Variants in HSD17B12 observed in about 807,000 individuals in gnomAD.
HSD17B12 encodes the protein hydroxysteroid 17-beta dehydrogenase 12, also known as very-long-chain 3-oxoacyl-CoA reductase.
Under a neutral mutation model 39.3 loss-of-function variants are expected in HSD17B12, and 32 were observed. The observed-to-expected ratio is 0.81, with a 90% CI of 0.61 to 1.09. HSD17B12 has a LOEUF of 1.09. HSD17B12 is among the 50% of genes least tolerant of loss of function. The pLI is 0.00. For missense variants in HSD17B12, 342 were observed against 382.9 expected (o/e 0.89, Z 0.89); for synonymous variants, 150 against 146.7 (o/e 1.02, Z -0.16).
chr11:43,670,703 C>A, the HSD17B12 span, among the ~76,000 whole-genome samples: 1 of 152,044 alleles, frequency 6.6e-6, no homozygotes, highest in African/African-American at 2.4e-5. Context: ...CCAGCCTAGG[C>A]GACATAGCAA....
intron 3 of HSD17B12, among the ~76,000 whole-genome samples, chr11:43,765,030 T>C (rs1950583321): frequency 6.6e-6 from 1 of 152,100 alleles, no homozygotes; most frequent in Non-Finnish European, 1.5e-5. Flanking sequence ...ATAATTCTAA[T>C]TTTATTTCTA....
chr11:43,742,140 T>TATA (rs1554964313), intron 1 of HSD17B12, among the ~76,000 whole-genome samples: 9 of 50,954 alleles, frequency 1.8e-4, no homozygotes, highest in Non-Finnish European at 3.5e-4. Context: ...TATATATATA[T>TATA]TTTTTTTTTT....
Position 43,761,174 on chromosome 11 carries a change from T to C in HSD17B12, c.283+7053T>C, listed in dbSNP as rs114656944. 2.5e-3 allele frequency among the ~76,000 whole-genome samples: 378 copies of C among 152,352 alleles called. 3 individuals carry two copies. The highest frequency in any genetic ancestry group is 8.7e-3 in the African/African-American group (363 of 41,582). ...AGTGGGCTTGTCATGCTTAATTAAATGAAATTTACCATTAAATGAAACATT... is the reference window on the plus strand; with the variant it reads ...AGTGGGCTTGTCATGCTTAATTAAACGAAATTTACCATTAAATGAAACATT... On this transcript the variant is annotated intron_variant, in intron 3 of 10. Coordinates refer to ENST00000278353, the MANE Select transcript of HSD17B12 (RefSeq NM_016142.3).
chr11:43,827,139 A>G (rs767167722), intron 6 of HSD17B12, among the ~76,000 whole-genome samples: 23 of 152,160 alleles, frequency 1.5e-4, no homozygotes, highest in Non-Finnish European at 2.2e-4. Context: ...AATTCTGGGT[A>G]TGAATATCCT....
chr11:43,692,227 G>A (rs1282561166), intron 1 of HSD17B12, among the ~76,000 whole-genome samples: 1 of 152,094 alleles, frequency 6.6e-6, no homozygotes. Context: ...TTTTGCTTTA[G>A]TTTTCTATTT....
chr11:43,631,506 C>A, the HSD17B12 span, among the ~76,000 whole-genome samples: 1 of 151,940 alleles, frequency 6.6e-6, no homozygotes. Context: ...CTACATGAGG[C>A]GGCTGCATGA....
At chr11:43,737,103 G>C (rs1394537145) in intron 1 of HSD17B12, among the ~76,000 whole-genome samples, 1 of 152,010 alleles carries the variant, frequency 6.6e-6, no homozygotes, top group Non-Finnish European at 1.5e-5. Context: ...TCAGGTGTTC[G>C]GGGGGAAAAA....
Position 43,854,718 on chromosome 11 carries a change from G to C in HSD17B12, c.688G>C (p.Val230Leu), listed in dbSNP as rs1475054800. Residue 230 changes from valine (V) to leucine (L), a missense_variant, in exon 10 of 11, where the codon GTC becomes CTC. Transcript: ENST00000278353. ...GGGGTGGGTGTTCCCTTTCTAGAGT[G>C]TCCTGCCATACTTCGTAGCTACAAA... ...YRSKGVFVQS[V>L]LPYFVATKLA... 5.0e-6 allele frequency: 8 copies of C among 1,613,354 alleles called. No individual in the cohort carries two copies. The highest frequency in any genetic ancestry group is 1.3e-5 in the African/African-American group (1 of 74,872).
At chr11:43,615,707 T>C in the HSD17B12 span, among the ~76,000 whole-genome samples, 1 of 152,194 alleles carries the variant, frequency 6.6e-6, no homozygotes, top group Non-Finnish European at 1.5e-5. Context: ...TTTACTTCAG[T>C]TTTATATGTG....
rs1011422363 is a variant in HSD17B12 at position 43,821,693 on chromosome 11, C to T, written c.501+5302C>T. Among the ~76,000 whole-genome samples the T allele has an allele frequency of 5.3e-5, 8 of 152,256 alleles. No individual in the cohort carries two copies. In the East Asian group the frequency reaches 5.8e-4, roughly 11 times the overall value. Reference sequence around the variant, plus strand: ...ATCATGGAGAATGGGAGAAGTGCCGCGTCTCCAGAGGCAGACAAATGTAGG... The same window carrying T: ...ATCATGGAGAATGGGAGAAGTGCCGTGTCTCCAGAGGCAGACAAATGTAGG... On this transcript the variant is annotated intron_variant, in intron 6 of 10. Coordinates refer to ENST00000278353, the MANE Select transcript of HSD17B12 (RefSeq NM_016142.3).
chr11:43,741,750 T>C (rs1035734694), intron 1 of HSD17B12, among the ~76,000 whole-genome samples: 8 of 149,904 alleles, frequency 5.3e-5, no homozygotes, highest in Admixed American at 3.3e-4. Context: ...TTTTTTTTTT[T>C]TGAGACGGGG....
intron 4 of HSD17B12, among the ~76,000 whole-genome samples, chr11:43,799,313 A>G (rs1950944000): frequency 6.6e-6 from 1 of 152,136 alleles, no homozygotes; most frequent in African/African-American, 2.4e-5. Context: ...GCCCCAGTTG[A>G]AAATGGATTG....
At chr11:43,617,735 A>G in the HSD17B12 span, among the ~76,000 whole-genome samples, 1 of 152,130 alleles carries the variant, frequency 6.6e-6, no homozygotes, top group African/African-American at 2.4e-5. Flanking sequence ...AAGTAGTGCC[A>G]GAATCCACCC....
intron 7 of HSD17B12, among the ~76,000 whole-genome samples, chr11:43,836,725 A>G (rs1159729316): frequency 2.0e-5 from 3 of 152,240 alleles, no homozygotes; most frequent in African/African-American, 7.2e-5. Flanking sequence ...TTCTATTTTC[A>G]TCAAAGGAAT....
chr11:43,781,995 A>G (rs1476782739), intron 3 of HSD17B12, among the ~76,000 whole-genome samples: 2 of 152,230 alleles, frequency 1.3e-5, no homozygotes, highest in East Asian at 3.8e-4. Flanking sequence ...TTCCAATTAT[A>G]AAATTGTTTC....
At chr11:43,579,497 C>G in the HSD17B12 span, 1 of 152,246 alleles carries the variant, frequency 6.6e-6, no homozygotes, top group African/African-American at 2.4e-5. Context: ...CCGGCGCGCT[C>G]CCGTGGCCCC....
intron 3 of HSD17B12, among the ~76,000 whole-genome samples, chr11:43,784,711 A>G (rs548265419): frequency 6.6e-6 from 1 of 152,302 alleles, no homozygotes; most frequent in African/African-American, 2.4e-5. Context: ...TACTAGCAGT[A>G]TACTTACAAT....
At chr11:43,594,176 T>C in the HSD17B12 span, among the ~76,000 whole-genome samples, 1 of 152,334 alleles carries the variant, frequency 6.6e-6, no homozygotes, top group Admixed American at 6.5e-5. Flanking sequence ...TCTTAATTAC[T>C]CCATAGTTAC....
chr11:43,822,232 T>A (rs535379323), intron 6 of HSD17B12, among the ~76,000 whole-genome samples: 8 of 152,188 alleles, frequency 5.3e-5, no homozygotes, highest in Non-Finnish European at 1.0e-4. Context: ...TGCAAAATAC[T>A]GTTCTGTTTT....
Sources: allele counts gnomAD v4.1 joint callset (sites outside exome capture counted in the v4.1 genomes callset), GRCh38; gene constraint gnomAD v4.1.1; transcripts MANE v1.5; gene names NCBI Gene and HGNC (gene_info 2026-07-23, HGNC 2026-07-21).